FHOD3: variants seen among roughly 807,000 people sequenced by gnomAD.
FHOD3 encodes the protein FH1/FH2 domain-containing protein 3.
FHOD3 carries 90 observed loss-of-function variants against 173.0 expected under a neutral mutation model. The observed-to-expected ratio is 0.52, with a 90% CI of 0.44 to 0.62. FHOD3 has a LOEUF of 0.62. Among genes scored for constraint, FHOD3 ranks in the 20% least tolerant of loss-of-function variants. The probability of loss-of-function intolerance (pLI) is 0.00; values close to 1 mark genes in which losing one functional copy is unlikely to be tolerated. For synonymous variants in FHOD3, 828 were observed against 823.0 expected, an observed-to-expected ratio of 1.01 and a Z score of -0.10; for missense variants, 1,945 against 2,034.7, an observed-to-expected ratio of 0.96 and a Z score of 0.85.
At chr18:36,349,265 C>G (rs190618282) in intron 1 of FHOD3, among the ~76,000 whole-genome samples, 30 of 152,290 alleles carry the variant, frequency 2.0e-4, no homozygotes, top group Admixed American at 6.5e-4. Context: ...CCAAGAGCAG[C>G]AAGAGAGGGC....
intron 3 of FHOD3, among the ~76,000 whole-genome samples, chr18:36,458,855 G>T (rs1315057308): frequency 6.6e-6 from 1 of 151,990 alleles, no homozygotes; most frequent in African/African-American, 2.4e-5. Context: ...ACCTCTCCAT[G>T]GAACTTGGCG....
intron 2 of FHOD3, among the ~76,000 whole-genome samples, chr18:36,364,497 C>G (rs2046794703): frequency 6.6e-6 from 1 of 152,216 alleles, no homozygotes; most frequent in African/African-American, 2.4e-5. Flanking sequence ...TAACCTTCTC[C>G]TGCTATCACT....
chr18:36,555,193 T>C (rs2057825338), intron 5 of FHOD3, among the ~76,000 whole-genome samples: 1 of 152,164 alleles, frequency 6.6e-6, no homozygotes, highest in African/African-American at 2.4e-5. Flanking sequence ...TTCTAGGTAC[T>C]TCTCTTTAGA....
At chr18:36,606,267 A>T (rs146521305) in intron 8 of FHOD3, among the ~76,000 whole-genome samples, 93 of 152,270 alleles carry the variant, frequency 6.1e-4, no homozygotes, top group African/African-American at 2.1e-3. Flanking sequence ...GATTTCTCAC[A>T]GTTTTGGAGG....
intron 1 of FHOD3, among the ~76,000 whole-genome samples, chr18:36,303,004 A>G (rs578002824): frequency 3.3e-5 from 5 of 152,376 alleles, no homozygotes; most frequent in African/African-American, 1.2e-4. Context: ...CCAGACATCC[A>G]GCAGGTGCTG....
At chr18:36,602,880 A>G in intron 8 of FHOD3, 112 bp downstream of exon 8, 1 of 820,416 alleles carries the variant, frequency 1.2e-6, no homozygotes, top group Non-Finnish European at 2.1e-6. Flanking sequence ...CGTAGCAGAT[A>G]TAATCTGGTT....
intron 25 of FHOD3, 83 bp downstream of exon 25, chr18:36,755,394 GTGCTTTTTTTT>G: frequency 6.6e-6 from 2 of 302,010 alleles, no homozygotes; most frequent in Non-Finnish European, 4.7e-6. Flanking sequence ...GTTAAAAGCT[GTGCTTTTTTTT>G]TTTTTTTTTT....
chr18:36,499,258 C>G (rs1462961275), intron 3 of FHOD3, among the ~76,000 whole-genome samples: 1 of 152,126 alleles, frequency 6.6e-6, no homozygotes, highest in African/African-American at 2.4e-5. Flanking sequence ...CATGTGCCAC[C>G]ATGCCTGGCA....
At chr18:36,586,721 C>G (rs922607199) in intron 6 of FHOD3, among the ~76,000 whole-genome samples, 1 of 152,110 alleles carries the variant, frequency 6.6e-6, no homozygotes, top group Non-Finnish European at 1.5e-5. Context: ...ACCTCGTGAT[C>G]CTCCCACCTC....
chr18:36,374,673 A>G (rs982916157), intron 3 of FHOD3, among the ~76,000 whole-genome samples: 19 of 152,322 alleles, frequency 1.2e-4, no homozygotes, highest in African/African-American at 4.6e-4. Flanking sequence ...AAGAAACTAG[A>G]CTGGAAATCA....
At chr18:36,405,820 G>A (rs1598990594) in intron 3 of FHOD3, among the ~76,000 whole-genome samples, 6 of 152,286 alleles carry the variant, frequency 3.9e-5, no homozygotes, top group African/African-American at 1.4e-4. Context: ...CATGTATACT[G>A]GGAATTGCAT....
At chr18:36,667,435 C>T (rs948909415) in intron 14 of FHOD3, among the ~76,000 whole-genome samples, 2 of 152,102 alleles carry the variant, frequency 1.3e-5, no homozygotes, top group African/African-American at 2.4e-5. Context: ...AAGATAGAGA[C>T]ATTGAATTTG....
chr18:36,586,778 C>T (rs12957801), intron 6 of FHOD3, among the ~76,000 whole-genome samples: 43,410 of 152,004 alleles, frequency 0.29, 6,519 homozygotes, highest in Admixed American at 0.36. Flanking sequence ...CCGTGCCTGG[C>T]CGCGTGTTAC....
At chr18:36,750,613 T>C (rs1161299703) in intron 24 of FHOD3, among the ~76,000 whole-genome samples, 1 of 152,198 alleles carries the variant, frequency 6.6e-6, no homozygotes, top group African/African-American at 2.4e-5. Flanking sequence ...CCAGGGTTTT[T>C]ATAGTTTTGG....
chr18:36,651,927 G>A (rs570302314), intron 11 of FHOD3, among the ~76,000 whole-genome samples: 24 of 152,310 alleles, frequency 1.6e-4, no homozygotes, highest in South Asian at 4.1e-4. Context: ...GTCTGAAGGC[G>A]TCTGAATGTC....
chr18:36,319,506 A>G (rs568098968), intron 1 of FHOD3, among the ~76,000 whole-genome samples: 129 of 152,342 alleles, frequency 8.5e-4, no homozygotes, highest in African/African-American at 3.0e-3. Flanking sequence ...AGAGACCTAC[A>G]AAGAGATTTA....
At chr18:36,690,816 A>G (rs2038918817) in intron 16 of FHOD3, among the ~76,000 whole-genome samples, 1 of 152,230 alleles carries the variant, frequency 6.6e-6, no homozygotes, top group African/African-American at 2.4e-5. Context: ...TTTCAGTAGC[A>G]TTAAGTGCAT....
chr18:36,652,999 C>T, intron 12 of FHOD3, 70 bp downstream of exon 12: 1 of 1,452,650 alleles, frequency 6.9e-7, no homozygotes, highest in South Asian at 1.4e-5. Flanking sequence ...TTAACTGCAC[C>T]CCTTGGCTTG....
intron 3 of FHOD3, among the ~76,000 whole-genome samples, chr18:36,376,415 A>C (rs1338781827): frequency 2.0e-5 from 3 of 152,204 alleles, no homozygotes; most frequent in Admixed American, 2.0e-4. Context: ...TCCAATATTG[A>C]GTTAAACAAA....
Sources: gnomAD v4.1 joint callset for allele counts (sites outside exome capture counted in the v4.1 genomes callset) on GRCh38, gnomAD v4.1.1 for gene constraint, MANE v1.5 for transcripts, NCBI Gene and HGNC (gene_info 2026-07-23, HGNC 2026-07-21) for gene names.